The following CACHD1 variants were observed in gnomAD, a reference collection of about 807,000 sequenced individuals.
CACHD1 encodes the protein VWFA and cache domain-containing protein 1.
Under a neutral mutation model 138.7 loss-of-function variants are expected in CACHD1, and 71 were observed. The observed-to-expected ratio is 0.51, with a 90% CI of 0.42 to 0.62. The LOEUF is 0.62. CACHD1 is among the 20% of genes least tolerant of loss of function. CACHD1 has a pLI of 0.00. For synonymous variants in CACHD1, 578 were observed against 591.5 expected, an observed-to-expected ratio of 0.98 and a Z score of 0.33; for missense variants, 1,389 against 1,625.3, an observed-to-expected ratio of 0.85 and a Z score of 2.50.
chr1:64,568,779 T>C (rs1646903278), intron 2 of CACHD1, among the ~76,000 whole-genome samples: 1 of 152,226 alleles, frequency 6.6e-6, no homozygotes, highest in African/African-American at 2.4e-5. Flanking sequence ...CATACACTCA[T>C]GCACACACCC....
chr1:64,560,093 C>A (rs1646827675), intron 2 of CACHD1, among the ~76,000 whole-genome samples: 1 of 151,980 alleles, frequency 6.6e-6, no homozygotes, highest in Non-Finnish European at 1.5e-5. Context: ...TTGAAAAGAT[C>A]AATAAAATGG....
intron 1 of CACHD1, among the ~76,000 whole-genome samples, chr1:64,494,166 T>G (rs1646293802): frequency 6.6e-6 from 1 of 152,200 alleles, no homozygotes; most frequent in South Asian, 2.1e-4. Context: ...AGGGCCCCAC[T>G]TCTCTGAGCC....
Position 64,544,541 on chromosome 1 carries a change from A to G in CACHD1, c.199-6053A>G, listed in dbSNP as rs186880858. Among the ~76,000 whole-genome samples, 533 of 152,056 alleles carry G rather than the reference A, an allele frequency of 3.5e-3. 6 individuals carry two copies. Among genetic ancestry groups the G allele is most frequent in the Non-Finnish European group, 6.2e-3 (423 of 67,960 alleles). Reference sequence around the variant, plus strand: ...GTGGGTCAGTGGATGGAGAGAGGGAAGGACTAAGGTGCAGCCAGTACAAGG... The same window carrying G: ...GTGGGTCAGTGGATGGAGAGAGGGAGGGACTAAGGTGCAGCCAGTACAAGG... On this transcript the variant is annotated intron_variant, in intron 1 of 26. Transcript: ENST00000651257.
intron 2 of CACHD1, among the ~76,000 whole-genome samples, chr1:64,570,404 T>C (rs1012679977): frequency 1.3e-5 from 2 of 152,156 alleles, no homozygotes; most frequent in African/African-American, 4.8e-5. Context: ...ACACTGGGTG[T>C]CACTTAAGCA....
At chr1:64,558,254 C>T (rs1409762335) in intron 2 of CACHD1, among the ~76,000 whole-genome samples, 1 of 152,222 alleles carries the variant, frequency 6.6e-6, no homozygotes, top group Non-Finnish European at 1.5e-5. Context: ...ATAAATCTTC[C>T]TAACTTGGGT....
At chr1:64,663,621 C>T in intron 13 of CACHD1, 74 bp from the exon 14 acceptor site, 10 of 1,577,822 alleles carry the variant, frequency 6.3e-6, no homozygotes, top group Non-Finnish European at 8.7e-6. Flanking sequence ...TTGGCAGAGC[C>T]CGAGTGATGC....
intron 1 of CACHD1, among the ~76,000 whole-genome samples, chr1:64,502,996 C>T (rs1380997931): frequency 6.6e-6 from 1 of 152,194 alleles, no homozygotes; most frequent in Non-Finnish European, 1.5e-5. Flanking sequence ...TATTTAGTTG[C>T]ATGCTCTTCA....
At chr1:64,474,541 C>T (rs972851784) in intron 1 of CACHD1, among the ~76,000 whole-genome samples, 1 of 152,190 alleles carries the variant, frequency 6.6e-6, no homozygotes, top group African/African-American at 2.4e-5. Flanking sequence ...TGTGGTTGTT[C>T]TCAAATGGAG....
intron 3 of CACHD1, among the ~76,000 whole-genome samples, chr1:64,588,800 A>G (rs1647073814): frequency 6.6e-6 from 1 of 152,146 alleles, no homozygotes; most frequent in Non-Finnish European, 1.5e-5. Flanking sequence ...GTCTTTATTT[A>G]AAAAGAAGGG....
intron 21 of CACHD1, among the ~76,000 whole-genome samples, chr1:64,676,350 A>C (rs1649991015): frequency 6.6e-6 from 1 of 152,214 alleles, no homozygotes; most frequent in Non-Finnish European, 1.5e-5. Context: ...TGTTTTTTAC[A>C]CACGTATGAT....
intron 3 of CACHD1, among the ~76,000 whole-genome samples, chr1:64,590,897 C>T (rs985792433): frequency 1.3e-5 from 2 of 152,120 alleles, no homozygotes; most frequent in Non-Finnish European, 2.9e-5. Context: ...AATCTTGGGA[C>T]GTTCACTTAA....
intron 2 of CACHD1, among the ~76,000 whole-genome samples, chr1:64,569,566 GC>G (rs66923253): frequency 0.017 from 2,524 of 152,236 alleles, 26 homozygotes; most frequent in Middle Eastern, 0.075. Flanking sequence ...GAGAGGAGCA[GC>G]GGGGGCCTTG....
chr1:64,494,975 G>A (rs1646298091), intron 1 of CACHD1, among the ~76,000 whole-genome samples: 1 of 152,112 alleles, frequency 6.6e-6, no homozygotes, highest in African/African-American at 2.4e-5. Context: ...AATATTTGCT[G>A]TTGGCATAAA....
chr1:64,528,458 A>T (rs1200701068), intron 1 of CACHD1, among the ~76,000 whole-genome samples: 1 of 152,228 alleles, frequency 6.6e-6, no homozygotes, highest in Non-Finnish European at 1.5e-5. Flanking sequence ...AATTATTTTT[A>T]ATGAAGATGA....
chr1:64,686,167 G>C (rs997103950), intron 26 of CACHD1, among the ~76,000 whole-genome samples: 4 of 152,182 alleles, frequency 2.6e-5, no homozygotes, highest in Admixed American at 1.3e-4. Context: ...GGATTGTGGC[G>C]TCATGATTCT....
chr1:64,510,141 C>T (rs891841085), intron 1 of CACHD1, among the ~76,000 whole-genome samples: 2 of 152,132 alleles, frequency 1.3e-5, no homozygotes, highest in Non-Finnish European at 2.9e-5. Flanking sequence ...AGTGCTGGTA[C>T]GTGACCAGCT....
chr1:64,674,063 A>G (rs753101692), intron 19 of CACHD1, among the ~76,000 whole-genome samples: 8 of 130,054 alleles, frequency 6.2e-5, no homozygotes, highest in Non-Finnish European at 1.0e-4. Context: ...AGAACATTCA[A>G]AAAGCTATTT....
intron 1 of CACHD1, among the ~76,000 whole-genome samples, chr1:64,498,852 G>A (rs147284050): frequency 6.6e-6 from 1 of 152,230 alleles, no homozygotes; most frequent in Non-Finnish European, 1.5e-5. Context: ...TGACCAGAAA[G>A]AAAGTGCAAT....
At chr1:64,472,208 G>A (rs548747397) in intron 1 of CACHD1, among the ~76,000 whole-genome samples, 27 of 151,562 alleles carry the variant, frequency 1.8e-4, no homozygotes, top group African/African-American at 5.6e-4. Context: ...CGTCCTCCTC[G>A]TCTTCTCCTT....
Sources: allele counts gnomAD v4.1 joint callset (sites outside exome capture counted in the v4.1 genomes callset), GRCh38; gene constraint gnomAD v4.1.1; transcripts MANE v1.5; gene names NCBI Gene and HGNC (gene_info 2026-07-23, HGNC 2026-07-21).